The following TTC32 variants were observed in gnomAD, a reference collection of about 807,000 sequenced individuals.
TTC32 encodes the protein tetratricopeptide repeat protein 32.
A neutral mutation model predicts 15.3 loss-of-function variants in TTC32; 16 were observed. That is an observed-to-expected ratio of 1.05 (90% CI 0.71 to 1.59). The LOEUF (loss-of-function observed/expected upper bound fraction) is 1.59. Among genes scored for constraint, TTC32 ranks in the 40% most tolerant of loss-of-function variants. The pLI is 0.00. For missense variants in TTC32, 188 were observed against 181.9 expected (o/e 1.03, Z -0.19); for synonymous variants, 89 against 67.8 (o/e 1.31, Z -1.53).
At chr2:19,900,918 G>C (rs554391616) in intron 1 of TTC32, 15 of 330,816 alleles carry the variant, frequency 4.5e-5, no homozygotes, top group Non-Finnish European at 9.5e-5. Context: ...AAGGACACAA[G>C]AATCGGTTTC....
Position 19,897,055 on chromosome 2 carries a change from A to C in TTC32, c.388T>G (p.Leu130Val). The change falls in exon 3 of 3, where the codon TTG (leucine) becomes GTG (valine). Residue 130 changes from leucine (L) to valine (V), a missense_variant. Leu to Val is a conservative substitution (Grantham distance 32). Transcript: ENST00000333610. ...TCTAGAATAGTCTGTTTTAAGCTCA[A>C]AGTAGCATCTTGAAATCCAGGATTT... is the stretch of plus-strand genomic sequence containing the variant. ...DLNPGFQDAT[L>V]SLKQTILDKE... 1 of 1,608,790 alleles carries C rather than the reference A, an allele frequency of 6.2e-7. No individual in the cohort carries two copies. The highest frequency in any genetic ancestry group is 8.5e-7 in the Non-Finnish European group (1 of 1,177,836).
At position 19,901,750 on chromosome 2, in the gene TTC32, A is replaced by G. The variant is rs754136250; in HGVS notation, c.105T>C (p.Ile35=). ...TGGAGGCCGCGCAAGCGCACCGGCG[A>G]ATGTAAGCGGAGTACAGTGCCTCGG... ...AEAEALYSAY[I]RRCACAASSD... Residue 35 remains isoleucine (I), a synonymous_variant, in exon 1 of 3, where the codon ATT becomes ATC. Transcript: ENST00000333610. The G allele has an allele frequency of 1.2e-6, 2 of 1,613,568 alleles. No homozygotes were observed. The highest frequency in any genetic ancestry group is 1.7e-6 in the Non-Finnish European group (2 of 1,179,658).
chr2:19,901,097 T>C (rs939777782), intron 1 of TTC32: 4 of 471,108 alleles, frequency 8.5e-6, no homozygotes, highest in Admixed American at 2.4e-5. Flanking sequence ...GATGATGACA[T>C]GGTGGTTCCT....
chr2:19,897,303 T>C (rs1033237457), intron 2 of TTC32, among the ~76,000 whole-genome samples, 177 bp from the exon 3 acceptor site: 2 of 152,218 alleles, frequency 1.3e-5, no homozygotes, highest in Non-Finnish European at 2.9e-5. Context: ...AAAGTAATTT[T>C]GTGTGCCCTT....
At chr2:19,900,914 A>C (rs1256005926) in intron 1 of TTC32, 3 of 331,142 alleles carry the variant, frequency 9.1e-6, no homozygotes, top group Middle Eastern at 4.0e-4. Flanking sequence ...TTCAAAGGAC[A>C]CAAGAATCGG....
chr2:19,901,688 A>G lies in TTC32; in HGVS notation c.149+18T>C. 3.1e-6 allele frequency: 5 copies of G among 1,604,248 alleles called. No homozygotes were observed. Among genetic ancestry groups the G allele is most frequent in the Non-Finnish European group, 3.4e-6 (4 of 1,173,126 alleles). On this transcript the variant is annotated intron_variant, in intron 1 of 2. Transcript: ENST00000333610. Reference sequence around the variant, plus strand: ...CTCCACCCGGGGTCGCCGCGGCCCCAGGTCTCGCGATAGTTACCTCCCGGG... The same window carrying G: ...CTCCACCCGGGGTCGCCGCGGCCCCGGGTCTCGCGATAGTTACCTCCCGGG...
intron 1 of TTC32, among the ~76,000 whole-genome samples, chr2:19,899,018 G>C (rs1296299840): frequency 6.6e-6 from 1 of 152,218 alleles, no homozygotes; most frequent in East Asian, 1.9e-4. Context: ...GAAAGTATCT[G>C]TGAAGGCAGT....
At chr2:19,897,436 T>C (rs1207240401) in intron 2 of TTC32, among the ~76,000 whole-genome samples, 1 of 152,192 alleles carries the variant, frequency 6.6e-6, no homozygotes, top group Non-Finnish European at 1.5e-5. Context: ...TGCAGTAAAA[T>C]TAAGAAACGG....
Position 19,901,877 on chromosome 2 carries a change from G to T in TTC32, c.-23C>A. 6.2e-7 allele frequency: 1 copy of T among 1,613,682 alleles called. No individual in the cohort carries two copies. The highest frequency in any genetic ancestry group is 2.2e-5 in the East Asian group (1 of 44,850). ...CATAGCAGCCAAGGCCTAGTTTTCG[G>T]TGTAGAATGGGGGTTGACCTCCGAG... On this transcript the variant is annotated 5_prime_UTR_variant, in exon 1 of 3. Transcript: ENST00000333610.
intron 2 of TTC32, among the ~76,000 whole-genome samples, chr2:19,897,550 G>A (rs1380282915): frequency 6.6e-6 from 1 of 152,158 alleles, no homozygotes; most frequent in Non-Finnish European, 1.5e-5. Flanking sequence ...TGTCTTCAAA[G>A]ATTTTAACTC....
chr2:19,897,085 C>G lies in TTC32; in HGVS notation c.358G>C (p.Asp120His), dbSNP rs61740565. 4,647 of 1,606,542 alleles carry G rather than the reference C, an allele frequency of 2.9e-3. 120 individuals are homozygous for G. The African/African-American group carries it at 0.054, about 19-fold the overall frequency. Residue 120 changes from aspartate (D) to histidine (H), a missense_variant, in exon 3 of 3, where the codon GAC (aspartate) becomes CAC (histidine). Asp to His is a moderately conservative substitution (Grantham distance 81). Transcript: ENST00000333610. ...GCATCTTGAAATCCAGGATTTAAGTCTAAGACCTTCTTGAAATCTTCCAAA... is the reference window on the plus strand; with the variant it reads ...GCATCTTGAAATCCAGGATTTAAGTGTAAGACCTTCTTGAAATCTTCCAAA... ...DALEDFKKVLDLNPGFQDATL... is the reference protein window; with the variant it reads ...DALEDFKKVLHLNPGFQDATL...
intron 1 of TTC32, 39 bp downstream of exon 1, chr2:19,901,667 A>C (rs1011863252): frequency 2.5e-6 from 4 of 1,595,854 alleles, no homozygotes; most frequent in South Asian, 1.1e-5. Context: ...CGTCGCCTCC[A>C]CCCGGGGTCG....
At chr2:19,898,210 A>T in intron 1 of TTC32, 175 bp from the exon 2 acceptor site, 1 of 550,730 alleles carries the variant, frequency 1.8e-6, no homozygotes, top group Non-Finnish European at 3.1e-6. Flanking sequence ...ATTTTTGTTT[A>T]ACCCTGTTAT....
intron 2 of TTC32, 120 bp downstream of exon 2, chr2:19,897,749 T>C (rs2103366388): frequency 2.3e-6 from 2 of 851,144 alleles, no homozygotes; most frequent in Non-Finnish European, 1.7e-6. Flanking sequence ...TTCCAAGCTC[T>C]AAACCTAAAT....
intron 1 of TTC32, chr2:19,901,028 A>ACCTTATTAGTCGATCAGAATGGT (rs1315469877): frequency 4.3e-6 from 2 of 466,810 alleles, no homozygotes; most frequent in African/African-American, 4.0e-5. Flanking sequence ...AGAACAAAAC[A>ACCTTATTAGTCGATCAGAATGGT]CCTTATTAGT....
Position 19,897,942 on chromosome 2 carries a change from G to C in TTC32, c.243C>G (p.Tyr81Ter). The change falls in exon 2 of 3, where the codon TAC (tyrosine) becomes TAG (stop). Residue 81 changes from tyrosine (Y) to a stop codon, truncating the protein, a stop_gained. Transcript: ENST00000333610. LOFTEE classifies it high-confidence loss of function. Reference sequence around the variant, plus strand: ...TGGGTTGGACTTCTATGGCAGATGTGTAGTCATCCATGGCTTCATAAAAAT... The same window carrying C: ...TGGGTTGGACTTCTATGGCAGATGTCTAGTCATCCATGGCTTCATAAAAAT... ...RVDFYEAMDDYTSAIEVQPNF... is the reference protein window; with the variant it reads ...RVDFYEAMDD The C allele has an allele frequency of 6.2e-7, 1 of 1,612,888 alleles. No individual in the cohort carries two copies. Among genetic ancestry groups the C allele is most frequent in the East Asian group, 2.2e-5 (1 of 44,858 alleles).
At position 19,901,769 on chromosome 2, in the gene TTC32, G is replaced by A. The variant is rs371280380; in HGVS notation, c.86C>T (p.Ala29Val). The part of the protein sequence containing the change: ...FNNGEYAEAE[A>V]LYSAYIRRCA... ...CCGGCGAATGTAAGCGGAGTACAGTGCCTCGGCCTCCGCGTACTCTCCATT... is the reference window on the plus strand; with the variant it reads ...CCGGCGAATGTAAGCGGAGTACAGTACCTCGGCCTCCGCGTACTCTCCATT... Residue 29 changes from alanine (A) to valine (V), a missense_variant, in exon 1 of 3, where the codon GCA (alanine) becomes GTA (valine). Transcript: ENST00000333610. 4.9e-5 allele frequency: 79 copies of A among 1,614,206 alleles called. No homozygotes were observed. Among genetic ancestry groups the A allele is most frequent in the Non-Finnish European group, 6.1e-5 (72 of 1,180,036 alleles).
At chr2:19,901,406 CG>C in intron 1 of TTC32, 1 of 377,676 alleles carries the variant, frequency 2.6e-6, no homozygotes. Context: ...GGAGAGACGG[CG>C]GGGTGAGAGG....
intron 1 of TTC32, among the ~76,000 whole-genome samples, chr2:19,899,727 G>A (rs1669571403): frequency 6.6e-6 from 1 of 150,566 alleles, no homozygotes; most frequent in Non-Finnish European, 1.5e-5. Flanking sequence ...TATATAAAGT[G>A]TGTGTATATA....
Sources: allele counts gnomAD v4.1 joint callset (sites outside exome capture counted in the v4.1 genomes callset), GRCh38; gene constraint gnomAD v4.1.1; transcripts MANE v1.5; gene names NCBI Gene and HGNC (gene_info 2026-07-23, HGNC 2026-07-21).